BRD1: variants seen among roughly 807,000 people sequenced by gnomAD.
The protein encoded by BRD1 is bromodomain containing 1.
A neutral mutation model predicts 107.7 loss-of-function variants in BRD1; 24 were observed. The ratio of observed to expected loss-of-function variants is 0.22; its 90% CI spans 0.16 to 0.31. BRD1 has a LOEUF of 0.31. BRD1 is among the 10% of genes least tolerant of loss of function. The probability of loss-of-function intolerance (pLI) is 1.00; values close to 1 mark genes in which losing one functional copy is unlikely to be tolerated. For missense variants in BRD1, 1,279 were observed against 1,638.6 expected, an observed-to-expected ratio of 0.78 and a Z score of 3.79; for synonymous variants, 744 against 686.1, an observed-to-expected ratio of 1.08 and a Z score of -1.32.
At chr22:49,815,478 G>A (rs1410652592) in intron 2 of BRD1, among the ~76,000 whole-genome samples, 2 of 152,150 alleles carry the variant, frequency 1.3e-5, no homozygotes, top group Non-Finnish European at 2.9e-5. Context: ...AGGGGGCAGA[G>A]GTTGCAGTGA....
At chr22:49,819,175 G>A (rs62232001) in intron 2 of BRD1, among the ~76,000 whole-genome samples, 9,649 of 152,154 alleles carry the variant, frequency 0.063, 423 homozygotes, top group Non-Finnish European at 0.099. Flanking sequence ...AACGAGGATC[G>A]CTTGAACCTG....
chr22:49,781,354 G>C (rs533643232), intron 8 of BRD1, among the ~76,000 whole-genome samples: 1 of 152,206 alleles, frequency 6.6e-6, no homozygotes, highest in Non-Finnish European at 1.5e-5. Context: ...AGGCCACAGC[G>C]GCTGAGACAC....
At chr22:49,826,704 G>C (rs982538987) in intron 1 of BRD1, among the ~76,000 whole-genome samples, 1 of 152,202 alleles carries the variant, frequency 6.6e-6, no homozygotes, top group African/African-American at 2.4e-5. Flanking sequence ...GCGCTGGGCC[G>C]GCCAAACAAA....
intron 7 of BRD1, among the ~76,000 whole-genome samples, chr22:49,791,662 C>T (rs1158462347): frequency 1.3e-5 from 2 of 152,138 alleles, no homozygotes; most frequent in Admixed American, 6.5e-5. Flanking sequence ...TAATGACTTC[C>T]CCATTCCAGT....
chr22:49,820,643 C>G (rs994218945), intron 2 of BRD1, among the ~76,000 whole-genome samples: 4 of 152,248 alleles, frequency 2.6e-5, no homozygotes, highest in South Asian at 2.1e-4. Flanking sequence ...TCACCCTCAT[C>G]TACACAGAAT....
intron 2 of BRD1, among the ~76,000 whole-genome samples, chr22:49,816,508 G>A (rs2059955111): frequency 6.6e-6 from 1 of 152,090 alleles, no homozygotes; most frequent in African/African-American, 2.4e-5. Flanking sequence ...AGTGCTCAAG[G>A]GAGACAACGC....
Position 49,824,681 on chromosome 22 carries a change from T to C in BRD1, c.-14-350A>G, listed in dbSNP as rs549893615. 6.6e-5 allele frequency: 73 copies of C among 1,098,350 alleles called. No individual in the cohort carries two copies. In the African/African-American group the frequency reaches 1.1e-3, roughly 17 times the overall value. 68.0% of individuals were successfully genotyped at this position (1,098,350 alleles called of 1,614,324 possible). On this transcript the variant is annotated intron_variant, in intron 1 of 12. Coordinates refer to ENST00000404760, the MANE Select transcript of BRD1 (RefSeq NM_001304808.3). This position sits in a 1 kb window ranked among gnomAD's most constrained non-coding sequence, Gnocchi z 5.9. ...AGGGGTCCGGCCCAGAGCCCACAGT[T>C]GCAGGACTTTCCCAGCATGCAGGCG...
In BRD1 at chr22:49,794,177, T is replaced by G; in HGVS notation, c.2216A>C (p.Lys739Thr). The G allele has an allele frequency of 6.2e-7, 1 of 1,614,250 alleles. No homozygotes were observed. The highest frequency in any genetic ancestry group is 8.5e-7 in the Non-Finnish European group (1 of 1,180,046). ...TTCCTTTTTGAGCAGCTTTGCCCGC[T>G]TGCTCCGGGAGCCGCTGGACTTCAT... ...CAMKSSGSRSKRAKLLKKEIA... is the reference protein window; with the variant it reads ...CAMKSSGSRSTRAKLLKKEIA... Residue 739 changes from lysine (K) to threonine (T), a missense_variant, in exon 7 of 13, where the codon AAG becomes ACG. Physicochemically the swap from Lys to Thr is moderately conservative, Grantham distance 78. Around this residue, in one of 7 missense-constraint regions of BRD1, gnomAD observed 406 missense variants for 519.4 expected, o/e 0.78. Coordinates refer to ENST00000404760, the MANE Select transcript of BRD1 (RefSeq NM_001304808.3).
chr22:49,796,368 T>A (rs568847613), intron 6 of BRD1, among the ~76,000 whole-genome samples: 25 of 150,928 alleles, frequency 1.7e-4, no homozygotes, highest in Admixed American at 1.6e-3. Flanking sequence ...TTTTCTTTTT[T>A]TTTTTGGAGA....
At position 49,788,906 on chromosome 22, in the gene BRD1, A is replaced by C. The variant is rs1378101556; in HGVS notation, c.2360-1019T>G. ...CATTAAACCTGCAAACTTTCCTAAAACCGTTTGAAGTATGTATGGTTACTA... is the reference window on the plus strand; with the variant it reads ...CATTAAACCTGCAAACTTTCCTAAACCCGTTTGAAGTATGTATGGTTACTA... On this transcript the variant is annotated intron_variant, in intron 7 of 12. Coordinates refer to ENST00000404760, the MANE Select transcript of BRD1 (RefSeq NM_001304808.3). Among the ~76,000 whole-genome samples the C allele has an allele frequency of 3.3e-5, 5 of 152,212 alleles. No homozygotes were observed. In the East Asian group the frequency reaches 7.7e-4, roughly 23 times the overall value.
At chr22:49,820,420 C>T (rs1176998342) in intron 2 of BRD1, among the ~76,000 whole-genome samples, 5 of 152,156 alleles carry the variant, frequency 3.3e-5, no homozygotes, top group Middle Eastern at 3.4e-3. Context: ...TCAGCATCCC[C>T]GCCCACGGCT....
chr22:49,782,778 C>T (rs1199291546), intron 8 of BRD1, among the ~76,000 whole-genome samples: 2 of 123,256 alleles, frequency 1.6e-5, no homozygotes, highest in African/African-American at 3.2e-5. Context: ...ACCCAAAGCC[C>T]ATCTTGCTGG....
At chr22:49,775,815 A>AACCCC in intron 11 of BRD1, 70 bp from the exon 12 acceptor site, 20 of 1,141,496 alleles carry the variant, frequency 1.8e-5, no homozygotes, top group Admixed American at 5.8e-5. Context: ...TGTCACTGGC[A>AACCCC]CCCCCCCCCG....
intron 8 of BRD1, among the ~76,000 whole-genome samples, chr22:49,786,172 G>A (rs2059320206): frequency 1.3e-5 from 2 of 151,696 alleles, no homozygotes; most frequent in African/African-American, 4.8e-5. Context: ...CAGGCAGACA[G>A]GACAGACGGG....
At chr22:49,777,619 AGGCGGGGCG>A in intron 9 of BRD1, 50 bp downstream of exon 9, 1 of 1,571,874 alleles carries the variant, frequency 6.4e-7, no homozygotes, top group Non-Finnish European at 8.6e-7. Context: ...CAGGACAGCC[AGGCGGGGCG>A]GGCGGTGCTG....
chr22:49,808,331 G>A (rs754965299), intron 2 of BRD1, among the ~76,000 whole-genome samples: 1 of 152,224 alleles, frequency 6.6e-6, no homozygotes, highest in African/African-American at 2.4e-5. Context: ...CATACAGAGG[G>A]TTATTCAGCC....
chr22:49,775,496 A>C, intron 12 of BRD1, 95 bp downstream of exon 12: 1 of 1,196,488 alleles, frequency 8.4e-7, no homozygotes, highest in Non-Finnish European at 1.1e-6. Context: ...CCCAGCAGAC[A>C]AAGACGCTGC....
At chr22:49,818,197 A>C (rs2059991690) in intron 2 of BRD1, 4 of 1,115,582 alleles carry the variant, frequency 3.6e-6, no homozygotes, top group Non-Finnish European at 4.5e-6. Context: ...TGAAGGTAGG[A>C]GGAGCACCCA....
Position 49,823,937 on chromosome 22 carries a change from G to A in BRD1, c.381C>T (p.Tyr127=), listed in dbSNP as rs1456970980. 3 of 1,614,194 alleles carry A rather than the reference G, an allele frequency of 1.9e-6. No homozygotes were observed. The highest frequency in any genetic ancestry group is 1.3e-5 in the African/African-American group (1 of 75,064). Residue 127 remains tyrosine, a synonymous_variant, in exon 2 of 13, where the codon TAC becomes TAT. Transcript: ENST00000404760. The part of the protein sequence containing the change: ...LPEPKVRIVE[Y]SPPSAPRRPP... Reference sequence around the variant, plus strand: ...GCCTCCTGGGGGCGGACGGAGGGCTGTACTCCACGATGCGCACCTTGGGCT... The same window carrying A: ...GCCTCCTGGGGGCGGACGGAGGGCTATACTCCACGATGCGCACCTTGGGCT...
Sources: gnomAD v4.1 joint callset for allele counts (sites outside exome capture counted in the v4.1 genomes callset) on GRCh38, gnomAD v4.1.1 for gene constraint, gnomAD v4.1.1 regional missense constraint, Gnocchi (gnomAD v3.1) non-coding constraint, MANE v1.5 for transcripts, NCBI Gene and HGNC (gene_info 2026-07-23, HGNC 2026-07-21) for gene names.